Variants in CNOT10 observed in about 807,000 individuals in gnomAD.
The protein encoded by CNOT10 is CCR4-NOT transcription complex, subunit 10.
CNOT10 carries 30 observed loss-of-function variants against 94.6 expected under a neutral mutation model. The ratio of observed to expected loss-of-function variants is 0.32; its 90% CI spans 0.24 to 0.43. The LOEUF (loss-of-function observed/expected upper bound fraction) is 0.43, where lower values mean the gene tolerates loss of function less well. Ranked by LOEUF, CNOT10 falls within the 20% of genes least tolerant of loss-of-function variation. The pLI is 1.00. For synonymous variants in CNOT10, 289 were observed against 301.6 expected, an observed-to-expected ratio of 0.96 and a Z score of 0.43; for missense variants, 759 against 877.2, an observed-to-expected ratio of 0.87 and a Z score of 1.70.
chr3:32,725,049 A>G (rs1358969288), intron 8 of CNOT10, among the ~76,000 whole-genome samples: 1 of 151,520 alleles, frequency 6.6e-6, no homozygotes, highest in Non-Finnish European at 1.5e-5. Flanking sequence ...GTTACTAAAA[A>G]TTAGCTGGGC....
Position 32,764,510 on chromosome 3 carries a change from A to G in CNOT10, c.1876+20A>G. 6.2e-7 allele frequency: 1 copy of G among 1,612,480 alleles called. No homozygotes were observed. The highest frequency in any genetic ancestry group is 8.5e-7 in the Non-Finnish European group (1 of 1,179,458). On this transcript the variant is annotated intron_variant, in intron 16 of 18. Transcript: ENST00000328834. ...AATCCTGTAAGTAAGAAGTTTTGTG[A>G]TACTTAAGTAGCCTGGCCTGCATCC...
rs1334269718 is a variant in CNOT10 at position 32,733,414 on chromosome 3, A to G, written c.1216-9A>G. The stretch of plus-strand genomic sequence containing the variant: ...CTTAAATTTATTGGAAATTATTTGT[A>G]TTTTGTAGACTTCTGAACAAGAAAC... On this transcript the variant is annotated splice_polypyrimidine_tract_variant and intron_variant, in intron 10 of 18. Coordinates refer to ENST00000328834, the MANE Select transcript of CNOT10 (RefSeq NM_015442.3). 3 of 1,556,478 alleles carry G rather than the reference A, an allele frequency of 1.9e-6. No homozygotes were observed. The highest frequency in any genetic ancestry group is 1.9e-5 in the Admixed American group (1 of 51,330).
intron 13 of CNOT10, among the ~76,000 whole-genome samples, chr3:32,758,608 C>T (rs937359063): frequency 1.3e-5 from 2 of 152,202 alleles, no homozygotes; most frequent in Admixed American, 1.3e-4. Context: ...AACCCTGTAT[C>T]TGAGTGAGGT....
intron 1 of CNOT10, among the ~76,000 whole-genome samples, chr3:32,696,303 G>T (rs886227807): frequency 1.1e-4 from 17 of 151,096 alleles, no homozygotes; most frequent in Non-Finnish European, 2.4e-4. Context: ...GCAACAGAGT[G>T]AGACTCCGTC....
chr3:32,719,417 C>CTCAA (rs761196155), intron 7 of CNOT10, among the ~76,000 whole-genome samples: 1 of 152,196 alleles, frequency 6.6e-6, no homozygotes, highest in Non-Finnish European at 1.5e-5. Flanking sequence ...AAGACTCCGT[C>CTCAA]TCAATCAATC....
chr3:32,749,758 AT>A (rs201355956), intron 13 of CNOT10, among the ~76,000 whole-genome samples: 1 of 149,804 alleles, frequency 6.7e-6, no homozygotes, highest in African/African-American at 2.5e-5. Context: ...GCTCAACTTC[AT>A]TTTTTTTTGC....
In CNOT10 at chr3:32,733,470, A is replaced by C. The variant is rs1166419483; in HGVS notation, c.1263A>C (p.Val421=). Residue 421 remains valine, a synonymous_variant, in exon 11 of 19, where the codon GTA becomes GTC. Transcript: ENST00000328834. ...GCCTTCCCAGCAAAAAAGGAATTGTACAGTCTATTGTTGGTCAAGGCTATC... is the reference window on the plus strand; with the variant it reads ...GCCTTCCCAGCAAAAAAGGAATTGTCCAGTCTATTGTTGGTCAAGGCTATC... ...TKGLPSKKGI[V]QSIVGQGYHR... The C allele has an allele frequency of 6.2e-7, 1 of 1,603,162 alleles. No homozygotes were observed. Among genetic ancestry groups the C allele is most frequent in the Non-Finnish European group, 8.5e-7 (1 of 1,171,974 alleles).
chr3:32,716,977 T>C (rs1409831449), intron 6 of CNOT10, among the ~76,000 whole-genome samples, 177 bp from the exon 7 acceptor site: 1 of 152,224 alleles, frequency 6.6e-6, no homozygotes, highest in African/African-American at 2.4e-5. Context: ...GATTTTAGTA[T>C]TTTGAAGTAT....
rs1279600418 is a variant in CNOT10 at position 32,720,882 on chromosome 3, T to TCCCTCC, written c.862+651_862+652insCCCTCC. 5.8e-5 allele frequency among the ~76,000 whole-genome samples: 7 copies of TCCCTCC among 120,564 alleles called. No individual in the cohort carries two copies. In the South Asian group the frequency reaches 1.7e-3, roughly 29 times the overall value. The allele number at this position is 120,564 out of a possible 152,430, so 79.1% of individuals were successfully genotyped here. A position where few individuals can be genotyped will look rare whatever the true frequency, so the allele number is the denominator to read the frequency against. ...CTCCCTTCCCTCCTTCCTTCTTTCT[T>TCCCTCC]TTCCTTCTTTTCCTTCCTTCCTTCC... On this transcript the variant is annotated intron_variant, in intron 8 of 18. Coordinates refer to ENST00000328834, the MANE Select transcript of CNOT10 (RefSeq NM_015442.3).
chr3:32,686,074 A>G (rs1696587361), intron 1 of CNOT10, among the ~76,000 whole-genome samples: 1 of 152,214 alleles, frequency 6.6e-6, no homozygotes, highest in South Asian at 2.1e-4. Flanking sequence ...ATAAAATCCT[A>G]TTGTCTCTCT....
rs34174567 is a variant in CNOT10, at chr3:32,768,583, CAA to C, written c.2005-1293_2005-1292del. Among the ~76,000 whole-genome samples the C allele has an allele frequency of 1.1e-3, 162 of 146,900 alleles. 2 individuals are homozygous for C. In the East Asian group the frequency reaches 0.015, roughly 14 times the overall value. The stretch of plus-strand genomic sequence containing the variant: ...GGGCAACAAGAGCAAAACTCCGTCT[CAA>C]AAAAAAAAAATCCACAAAATGGTAT... On this transcript the variant is annotated intron_variant, in intron 17 of 18. Coordinates refer to ENST00000328834, the MANE Select transcript of CNOT10 (RefSeq NM_015442.3).
intron 14 of CNOT10, 77 bp downstream of exon 14, chr3:32,759,648 T>C (rs185067700): frequency 9.4e-6 from 9 of 955,494 alleles, no homozygotes; most frequent in Non-Finnish European, 1.3e-5. Context: ...TTATGTTGCT[T>C]CTTTTGACTC....
At chr3:32,735,178 T>C (rs1699129926) in intron 12 of CNOT10, among the ~76,000 whole-genome samples, 1 of 152,066 alleles carries the variant, frequency 6.6e-6, no homozygotes, top group Non-Finnish European at 1.5e-5. Context: ...GAGAGATCCT[T>C]GAAAAAGAAA....
intron 13 of CNOT10, among the ~76,000 whole-genome samples, chr3:32,758,660 G>A (rs1278178567): frequency 4.6e-5 from 7 of 152,124 alleles, no homozygotes; most frequent in South Asian, 4.1e-4. Context: ...TATTTGACAA[G>A]GGTTTATTTT....
At chr3:32,723,102 C>T (rs1252364256) in intron 8 of CNOT10, among the ~76,000 whole-genome samples, 1 of 151,676 alleles carries the variant, frequency 6.6e-6, no homozygotes, top group Non-Finnish European at 1.5e-5. Flanking sequence ...TTTAGAAAAA[C>T]AATATTAAAG....
intron 13 of CNOT10, 55 bp from the exon 14 acceptor site, chr3:32,759,403 A>G: frequency 8.1e-7 from 1 of 1,230,818 alleles, no homozygotes. Flanking sequence ...TAGCAAATAT[A>G]ACCATTATCA....
chr3:32,703,195 A>C (rs1016635079), intron 1 of CNOT10, among the ~76,000 whole-genome samples: 2 of 148,418 alleles, frequency 1.3e-5, no homozygotes, highest in African/African-American at 5.0e-5. Context: ...AAGTGCTGGG[A>C]TTACAGGCGT....
At position 32,708,766 on chromosome 3, in the gene CNOT10, T is replaced by C; in HGVS notation, c.376T>C (p.Tyr126His). Reference protein sequence around the residue: ...QAVILYHLRQYTEAISVGEKL... With the variant: ...QAVILYHLRQHTEAISVGEKL... ...AGTCATTCTTTATCATCTGCGGCAG[T>C]ATACAGAAGCCATATCAGTTGGTGA... The change falls in exon 4 of 19, where the codon TAT becomes CAT. Residue 126 changes from tyrosine to histidine, a missense_variant. Physicochemically the swap from Tyr to His is moderately conservative, Grantham distance 83. This residue lies in a region of CNOT10 where 682 missense variants were observed against 799.4 expected (regional missense o/e 0.85). Transcript: ENST00000328834. 6.2e-7 allele frequency: 1 copy of C among 1,613,376 alleles called. No individual in the cohort carries two copies. The highest frequency in any genetic ancestry group is 8.5e-7 in the Non-Finnish European group (1 of 1,179,676).
At chr3:32,725,685 C>T (rs1698635659) in intron 9 of CNOT10, 86 bp downstream of exon 9, 2 of 1,238,406 alleles carry the variant, frequency 1.6e-6, no homozygotes, top group Non-Finnish European at 1.1e-6. Flanking sequence ...AAATACCCAC[C>T]ATGTAGACTT....
Sources: gnomAD v4.1 joint callset for allele counts (sites outside exome capture counted in the v4.1 genomes callset) on GRCh38, gnomAD v4.1.1 for gene constraint, gnomAD v4.1.1 regional missense constraint, MANE v1.5 for transcripts, NCBI Gene and HGNC (gene_info 2026-07-23, HGNC 2026-07-21) for gene names.